Variants in MRAP2 observed in about 807,000 individuals in gnomAD.
The protein encoded by MRAP2 is melanocortin-2 receptor accessory protein 2.
In MRAP2, 20 loss-of-function variants were observed where a neutral mutation model predicts 17.4. The observed-to-expected ratio is 1.15, with a 90% CI of 0.81 to 1.67. MRAP2 has a LOEUF of 1.67. MRAP2 is among the 40% of genes most tolerant of loss of function. MRAP2 has a pLI of 0.00. For synonymous variants in MRAP2, 96 were observed against 88.4 expected (o/e 1.09, Z -0.48); for missense variants, 238 against 240.0 (o/e 0.99, Z 0.05).
chr6:84,044,131 C>G (rs1049514382), intron 1 of MRAP2, among the ~76,000 whole-genome samples: 1 of 152,130 alleles, frequency 6.6e-6, no homozygotes. Flanking sequence ...TGAATTTCCT[C>G]GGGCTGCCAT....
chr6:84,142,310 C>T, the MRAP2 span, among the ~76,000 whole-genome samples: 6 of 152,150 alleles, frequency 3.9e-5, no homozygotes, highest in Non-Finnish European at 7.4e-5. Flanking sequence ...TACAAATTAG[C>T]GAGTTTTATA....
intron 3 of MRAP2, 74 bp downstream of exon 3, chr6:84,063,066 C>T: frequency 6.3e-7 from 1 of 1,598,252 alleles, no homozygotes; most frequent in Non-Finnish European, 8.5e-7. Context: ...CTACCCAGGG[C>T]CGGAGGTGCT....
chr6:84,065,990 ACT>A (rs1325096576), intron 3 of MRAP2, among the ~76,000 whole-genome samples: 2 of 148,336 alleles, frequency 1.3e-5, no homozygotes, highest in African/African-American at 5.2e-5. Flanking sequence ...TTAAAATAAA[ACT>A]CTCTCTTTAT....
At chr6:84,123,540 C>T in the MRAP2 span, among the ~76,000 whole-genome samples, 2 of 152,058 alleles carry the variant, frequency 1.3e-5, no homozygotes, top group Middle Eastern at 3.2e-3. Context: ...AAGAAATAAA[C>T]TAGACCCTTA....
the MRAP2 span, among the ~76,000 whole-genome samples, chr6:84,127,185 A>G: frequency 6.6e-6 from 1 of 152,162 alleles, no homozygotes; most frequent in Admixed American, 6.6e-5. Flanking sequence ...TTTATCCCAT[A>G]TAATCATGAA....
chr6:84,093,561 G>C (rs932321722), downstream of MRAP2, among the ~76,000 whole-genome samples: 1 of 149,534 alleles, frequency 6.7e-6, no homozygotes, highest in South Asian at 2.1e-4. Context: ...TGTACACAAG[G>C]AAGTCAGCAC....
At chr6:84,130,404 A>G in the MRAP2 span, among the ~76,000 whole-genome samples, 9 of 151,814 alleles carry the variant, frequency 5.9e-5, no homozygotes, top group South Asian at 2.1e-4. Context: ...CTCTTTTTCT[A>G]TTGTGTGGAA....
At chr6:84,063,126 A>G (rs17730011) in intron 3 of MRAP2, 134 bp downstream of exon 3, 277,252 of 1,477,872 alleles carry the variant, frequency 0.19, 26,884 homozygotes, top group Middle Eastern at 0.25. Context: ...GTCTGGACCC[A>G]GATGCCCGTG....
At chr6:84,112,737 TA>T in the MRAP2 span, among the ~76,000 whole-genome samples, 868 of 152,220 alleles carry the variant, frequency 5.7e-3, 12 homozygotes, top group African/African-American at 0.019. Context: ...TGTGGGCATT[TA>T]GTGCTATAAA....
the MRAP2 span, among the ~76,000 whole-genome samples, chr6:84,098,645 T>TA: frequency 6.6e-6 from 1 of 152,216 alleles, no homozygotes; most frequent in African/African-American, 2.4e-5. Flanking sequence ...ATCAGTCTTT[T>TA]AAATTGTATT....
At chr6:84,094,215 T>C (rs2099502279), downstream of MRAP2, among the ~76,000 whole-genome samples, 3 of 152,210 alleles carry the variant, frequency 2.0e-5, no homozygotes. Flanking sequence ...TGTGATTTAA[T>C]ACTCTTTTTG....
At chr6:84,064,641 C>T (rs1055703333) in intron 3 of MRAP2, among the ~76,000 whole-genome samples, 8 of 152,170 alleles carry the variant, frequency 5.3e-5, no homozygotes, top group Non-Finnish European at 7.3e-5. Context: ...GCACCCACCA[C>T]CACGCCCAGC....
the MRAP2 span, among the ~76,000 whole-genome samples, chr6:84,137,902 C>T: frequency 6.6e-6 from 1 of 152,134 alleles, no homozygotes; most frequent in Non-Finnish European, 1.5e-5. Context: ...ATAAGATTTT[C>T]ACCCCATTGC....
chr6:84,080,195 G>A (rs776307584), intron 3 of MRAP2, among the ~76,000 whole-genome samples: 18 of 151,576 alleles, frequency 1.2e-4, no homozygotes, highest in African/African-American at 2.4e-4. Context: ...CACCACACCC[G>A]GCTAATTATT....
chr6:84,060,603 C>T (rs567357860), intron 2 of MRAP2, among the ~76,000 whole-genome samples: 1 of 151,896 alleles, frequency 6.6e-6, no homozygotes, highest in Non-Finnish European at 1.5e-5. Flanking sequence ...AATGTTTCTT[C>T]ACAGTCCATG....
downstream of MRAP2, among the ~76,000 whole-genome samples, chr6:84,095,489 T>C (rs1381675548): frequency 6.6e-6 from 1 of 152,182 alleles, no homozygotes; most frequent in Admixed American, 6.5e-5. Context: ...TTTGAAGAAG[T>C]TGTGAAAAGA....
chr6:84,056,816 G>C (rs1040256452), intron 2 of MRAP2, among the ~76,000 whole-genome samples: 2 of 152,136 alleles, frequency 1.3e-5, no homozygotes, highest in Non-Finnish European at 2.9e-5. Context: ...AAGAAGCACA[G>C]AAGACAGGCC....
chr6:84,049,946 C>G (rs892108076), intron 1 of MRAP2, among the ~76,000 whole-genome samples: 1 of 151,656 alleles, frequency 6.6e-6, no homozygotes, highest in East Asian at 1.9e-4. Flanking sequence ...GGAAGTATGT[C>G]CATTTGAAAA....
chr6:84,120,239 G>A, the MRAP2 span, among the ~76,000 whole-genome samples: 1 of 152,160 alleles, frequency 6.6e-6, no homozygotes, highest in African/African-American at 2.4e-5. Context: ...TTTGGATGGT[G>A]CCTGTCCACA....
Sources: gnomAD v4.1 joint callset for allele counts (sites outside exome capture counted in the v4.1 genomes callset) on GRCh38, gnomAD v4.1.1 for gene constraint, MANE v1.5 for transcripts, NCBI Gene and HGNC (gene_info 2026-07-23, HGNC 2026-07-21) for gene names.